Variants in CENPP observed in about 807,000 individuals in gnomAD.
CENPP encodes the protein centromere protein P.
Under a neutral mutation model 35.6 loss-of-function variants are expected in CENPP, and 24 were observed. The observed-to-expected ratio is 0.67, with a 90% confidence interval of 0.49 to 0.95. The LOEUF (loss-of-function observed/expected upper bound fraction) is 0.95, where lower values mean the gene tolerates loss of function less well. Ranked by LOEUF, CENPP falls within the 40% of genes least tolerant of loss-of-function variation. CENPP has a pLI of 0.00. For missense variants in CENPP, 332 were observed against 345.3 expected, an observed-to-expected ratio of 0.96 and a Z score of 0.31; for synonymous variants, 120 against 125.5, an observed-to-expected ratio of 0.96 and a Z score of 0.29.
intron 5 of CENPP, among the ~76,000 whole-genome samples, chr9:92,472,003 C>G (rs1263502983): frequency 6.6e-6 from 1 of 152,146 alleles, no homozygotes; most frequent in African/African-American, 2.4e-5. Flanking sequence ...AATTGAAAAT[C>G]TAGTATTTGA....
At chr9:92,416,598 A>G (rs550372297) in intron 5 of CENPP, 2 of 1,384,346 alleles carry the variant, frequency 1.4e-6, no homozygotes, top group African/African-American at 2.9e-5. Context: ...TCTCTTCAAA[A>G]CACAATAAAA....
intron 4 of CENPP, among the ~76,000 whole-genome samples, chr9:92,372,771 T>C (rs1038304474): frequency 7.2e-5 from 11 of 152,144 alleles, no homozygotes; most frequent in Non-Finnish European, 1.6e-4. Context: ...GGCCTGTGAG[T>C]TTTCTCCTGA....
chr9:92,551,328 A>G (rs1849582478), intron 5 of CENPP, among the ~76,000 whole-genome samples: 1 of 152,076 alleles, frequency 6.6e-6, no homozygotes, highest in South Asian at 2.1e-4. Context: ...TACTTCCCCA[A>G]AATGACGTCT....
At chr9:92,517,481 T>C (rs1847799787) in intron 5 of CENPP, 2 of 667,602 alleles carry the variant, frequency 3.0e-6, no homozygotes, top group Non-Finnish European at 5.0e-6. Flanking sequence ...CTGATAGAGC[T>C]AGAACTATAA....
chr9:92,338,217 T>C (rs1178932544), intron 3 of CENPP, among the ~76,000 whole-genome samples: 1 of 151,796 alleles, frequency 6.6e-6, no homozygotes, highest in Non-Finnish European at 1.5e-5. Flanking sequence ...GAGGCTGAGG[T>C]AGAAGGATTG....
rs139668905 is a variant in CENPP, at chr9:92,620,003, C to T, written c.*6854C>T. ...GTGTTCAGCAAGGCATCGCTTAGAA[C>T]GACATTCCCTCCGGAACATCATACA... On this transcript the variant is annotated 3_prime_UTR_variant, in exon 8 of 8. Coordinates refer to ENST00000375587, the MANE Select transcript of CENPP (RefSeq NM_001012267.3). The T allele has an allele frequency of 7.3e-4, 136 of 185,300 alleles. 1 individual carries two copies. The East Asian group carries it at 0.016, about 21-fold the overall frequency. 11.5% of individuals were successfully genotyped at this position (185,300 alleles called of 1,614,324 possible).
Position 92,536,157 on chromosome 9 carries a change from G to C in CENPP, c.565-75157G>C, listed in dbSNP as rs1459666925. The C allele has an allele frequency of 7.9e-6, 3 of 378,074 alleles. No homozygotes were observed. In the East Asian group the frequency reaches 2.9e-4, roughly 37 times the overall value. The allele number at this position is 378,074 out of a possible 1,614,324, so 23.4% of individuals were successfully genotyped here. On this transcript the variant is annotated intron_variant, in intron 5 of 7. Transcript: ENST00000375587. ...AGCCAAGAAAGTAACCAGGGAAAATGGTTACCAAGGGAAATATTTTTTTTA... is the reference window on the plus strand; with the variant it reads ...AGCCAAGAAAGTAACCAGGGAAAATCGTTACCAAGGGAAATATTTTTTTTA...
At chr9:92,450,631 T>A (rs1210595698) in intron 5 of CENPP, among the ~76,000 whole-genome samples, 2 of 152,150 alleles carry the variant, frequency 1.3e-5, no homozygotes, top group African/African-American at 2.4e-5. Flanking sequence ...TGTCTGGGTC[T>A]AATGGTATTT....
At chr9:92,505,831 A>G in intron 5 of CENPP, 1 of 661,566 alleles carries the variant, frequency 1.5e-6, no homozygotes, top group Non-Finnish European at 2.5e-6. Context: ...ATCCTCCTAT[A>G]AAACCTTTTC....
intron 5 of CENPP, among the ~76,000 whole-genome samples, chr9:92,551,637 C>T (rs1201956184): frequency 2.0e-5 from 3 of 152,012 alleles, no homozygotes; most frequent in Non-Finnish European, 4.4e-5. Flanking sequence ...GCAGTATACA[C>T]TGCACCCTAT....
intron 5 of CENPP, among the ~76,000 whole-genome samples, chr9:92,442,398 C>CA (rs71362387): frequency 0.087 from 6,432 of 73,942 alleles, 260 homozygotes; most frequent in Non-Finnish European, 0.11. Flanking sequence ...AACTCTGTCT[C>CA]AAAAAAAAAA....
intron 5 of CENPP, chr9:92,389,548 G>GT (rs1175169375): frequency 1.5e-5 from 3 of 203,774 alleles, no homozygotes; most frequent in African/African-American, 6.9e-5. Context: ...TTCGTAGACT[G>GT]TAAGTGTCAT....
chr9:92,407,776 A>T (rs1213015381), intron 5 of CENPP, among the ~76,000 whole-genome samples: 3 of 151,768 alleles, frequency 2.0e-5, no homozygotes, highest in Admixed American at 6.6e-5. Flanking sequence ...CTGGCTAATT[A>T]AAAAAATTAA....
rs146863270 is a variant in CENPP, at chr9:92,502,383, C to T, written c.565-108931C>T. On this transcript the variant is annotated intron_variant, in intron 5 of 7. Coordinates refer to ENST00000375587, the MANE Select transcript of CENPP (RefSeq NM_001012267.3). Reference sequence around the variant, plus strand: ...GATAGGGTAAGGGTTCACTAAGAAACGATTCTGTCTCCGAGCCCTTCAGTA... The same window carrying T: ...GATAGGGTAAGGGTTCACTAAGAAATGATTCTGTCTCCGAGCCCTTCAGTA... The T allele has an allele frequency of 2.5e-4, 292 of 1,172,734 alleles. 1 individual carries two copies. In the African/African-American group the frequency reaches 3.6e-3, roughly 15 times the overall value. The allele number at this position is 1,172,734 out of a possible 1,614,324, so 72.6% of individuals were successfully genotyped here. A position where few individuals can be genotyped will look rare whatever the true frequency, so the allele number is the denominator to read the frequency against.
rs202147064 is a variant in CENPP, at chr9:92,533,328, AATATATATATAT to A, written c.565-77967_565-77956del. Among the ~76,000 whole-genome samples, 26 of 38,334 alleles carry A rather than the reference AATATATATATAT, an allele frequency of 6.8e-4. 1 individual carries two copies. In the East Asian group the frequency reaches 9.6e-3, roughly 14 times the overall value. The allele number at this position is 38,334 out of a possible 152,430, so 25.1% of individuals were successfully genotyped here. On this transcript the variant is annotated intron_variant, in intron 5 of 7. Coordinates refer to ENST00000375587, the MANE Select transcript of CENPP (RefSeq NM_001012267.3). ...CAAAAAAAAAAAAAAAAAAAAAAAA[AATATATATATAT>A]ATATATATATATATATATGCTTTGG...
intron 5 of CENPP, chr9:92,386,065 A>G (rs946037055): frequency 1.0e-5 from 7 of 679,422 alleles, no homozygotes; most frequent in Non-Finnish European, 1.8e-5. Flanking sequence ...TCTTTTTGAT[A>G]GGCAGACATT....
rs866052386 is a variant in CENPP, at chr9:92,452,843, G to C, written c.564+72984G>C. Among the ~76,000 whole-genome samples, 1,158 of 152,088 alleles carry C rather than the reference G, an allele frequency of 7.6e-3. 9 individuals are homozygous for C. Among genetic ancestry groups the C allele is most frequent in the Middle Eastern group, 0.031 (9 of 294 alleles). On this transcript the variant is annotated intron_variant, in intron 5 of 7. Transcript: ENST00000375587. ...TTAGTCTTGGGAGGGTGTATGTGTC[G>C]AGGAATTTATCCATTTCTTCTAGAT...
chr9:92,337,696 C>A, intron 3 of CENPP, 67 bp downstream of exon 3: 1 of 962,504 alleles, frequency 1.0e-6, no homozygotes, highest in Non-Finnish European at 1.7e-6. Flanking sequence ...TCCCACACCC[C>A]AGCCTTCAAC....
At chr9:92,466,766 T>C (rs1334492625) in intron 5 of CENPP, among the ~76,000 whole-genome samples, 4 of 152,220 alleles carry the variant, frequency 2.6e-5, no homozygotes, top group African/African-American at 9.6e-5. Flanking sequence ...TGCAGAGCTA[T>C]AATAATTAAT....
Sources: gnomAD v4.1 joint callset for allele counts (sites outside exome capture counted in the v4.1 genomes callset) on GRCh38, gnomAD v4.1.1 for gene constraint, MANE v1.5 for transcripts, NCBI Gene and HGNC (gene_info 2026-07-23, HGNC 2026-07-21) for gene names.